Variants in MIPOL1 observed in about 807,000 individuals in gnomAD.
The protein encoded by MIPOL1 is mirror-image polydactyly 1.
In MIPOL1, 57 loss-of-function variants were observed where a neutral mutation model predicts 60.9. The observed-to-expected ratio is 0.94, with a 90% CI of 0.76 to 1.17. The LOEUF (loss-of-function observed/expected upper bound fraction) is 1.17, where lower values mean the gene tolerates loss of function less well. Ranked by LOEUF, MIPOL1 falls within the 50% of genes most tolerant of loss-of-function variation. The pLI, the probability that MIPOL1 is intolerant of heterozygous loss-of-function variation, is 0.00. For missense variants in MIPOL1, 551 were observed against 511.6 expected (o/e 1.08, Z -0.74); for synonymous variants, 179 against 168.8 (o/e 1.06, Z -0.47).
intron 12 of MIPOL1, chr14:37,546,183 A>G (rs943065607): frequency 1.3e-5 from 2 of 152,296 alleles, no homozygotes; most frequent in African/African-American, 4.8e-5. Flanking sequence ...TCTCTTTTCA[A>G]TTTAATTGAC....
At chr14:37,511,853 T>C (rs1230525394) in intron 12 of MIPOL1, among the ~76,000 whole-genome samples, 1 of 152,142 alleles carries the variant, frequency 6.6e-6, no homozygotes, top group African/African-American at 2.4e-5. Context: ...CCTCATAAAC[T>C]ATATGAAGAG....
chr14:37,429,948 C>T (rs2040318830), intron 11 of MIPOL1, among the ~76,000 whole-genome samples: 3 of 152,038 alleles, frequency 2.0e-5, no homozygotes, highest in African/African-American at 7.2e-5. Flanking sequence ...CAAACTATAG[C>T]CATGAAGCAA....
chr14:37,426,570 C>T (rs10083450), intron 11 of MIPOL1, among the ~76,000 whole-genome samples: 13 of 85,538 alleles, frequency 1.5e-4, no homozygotes, highest in South Asian at 7.3e-4. Flanking sequence ...TCAAAATATA[C>T]ATATATATAT....
chr14:37,276,926 T>G (rs1204868582), intron 6 of MIPOL1: 4 of 151,232 alleles, frequency 2.6e-5, no homozygotes, highest in Non-Finnish European at 5.9e-5. Context: ...GGCTACAGAA[T>G]TCTATGGATA....
intron 7 of MIPOL1, among the ~76,000 whole-genome samples, chr14:37,293,483 C>T (rs946995450): frequency 7.9e-5 from 12 of 152,152 alleles, no homozygotes; most frequent in African/African-American, 2.9e-4. Context: ...GTGCAGTGCA[C>T]TGTGCATGAG....
chr14:37,209,232 C>T (rs997612158), intron 1 of MIPOL1, among the ~76,000 whole-genome samples: 1 of 152,128 alleles, frequency 6.6e-6, no homozygotes, highest in African/African-American at 2.4e-5. Context: ...TTAATCTGTG[C>T]ATAGATTTGG....
chr14:37,445,252 A>G (rs2153569743), intron 11 of MIPOL1, among the ~76,000 whole-genome samples: 1 of 152,268 alleles, frequency 6.6e-6, no homozygotes, highest in South Asian at 2.1e-4. Context: ...ATCAATGTAC[A>G]AAAATCACAA....
intron 12 of MIPOL1, among the ~76,000 whole-genome samples, chr14:37,517,327 G>T (rs539232521): frequency 6.6e-6 from 1 of 152,126 alleles, no homozygotes; most frequent in Non-Finnish European, 1.5e-5. Context: ...CAGAAAGGGA[G>T]AAAAATTATA....
At chr14:37,494,814 C>A (rs1333758133) in intron 11 of MIPOL1, among the ~76,000 whole-genome samples, 1 of 152,152 alleles carries the variant, frequency 6.6e-6, no homozygotes, top group Non-Finnish European at 1.5e-5. Flanking sequence ...TTTTAAGTGA[C>A]ATTGTCTACT....
intron 12 of MIPOL1, chr14:37,506,787 A>T (rs2095280695): frequency 6.6e-6 from 1 of 152,342 alleles, no homozygotes; most frequent in South Asian, 2.1e-4. Flanking sequence ...CAGCAAAAGA[A>T]ACTATCATCA....
chr14:37,490,724 A>G (rs1285381812), intron 11 of MIPOL1, among the ~76,000 whole-genome samples: 2 of 151,924 alleles, frequency 1.3e-5, no homozygotes, highest in African/African-American at 2.4e-5. Context: ...ACCCCTTAAC[A>G]CTTCCCAGAT....
intron 9 of MIPOL1, among the ~76,000 whole-genome samples, chr14:37,320,075 G>T (rs2153446065): frequency 6.6e-6 from 1 of 152,190 alleles, no homozygotes; most frequent in Non-Finnish European, 1.5e-5. Flanking sequence ...CAGAAATTTA[G>T]ATTGTTTTCA....
intron 11 of MIPOL1, 59 bp from the exon 12 acceptor site, chr14:37,499,849 G>C (rs1358310678): frequency 3.6e-6 from 3 of 839,232 alleles, no homozygotes; most frequent in Non-Finnish European, 5.4e-6. Context: ...TTGTTAAATA[G>C]ATCATAGATC....
rs543706210 is a variant in MIPOL1, at chr14:37,280,589, A to G, written c.494-4729A>G. Among the ~76,000 whole-genome samples, 146 of 152,292 alleles carry G rather than the reference A, an allele frequency of 9.6e-4. 3 individuals carry two copies. The highest frequency in any genetic ancestry group is 3.5e-3 in the African/African-American group (145 of 41,572). ...ATTAGAGATGTTAAGCTTTCTTTATATAACTGTTAACCATTTGTGTGTCTT... is the reference window on the plus strand; with the variant it reads ...ATTAGAGATGTTAAGCTTTCTTTATGTAACTGTTAACCATTTGTGTGTCTT... On this transcript the variant is annotated intron_variant, in intron 6 of 12. Transcript: ENST00000684589.
In MIPOL1 at chr14:37,547,052, C is replaced by G. The variant is rs2095550325; in HGVS notation, c.*81C>G. 57 of 1,208,436 alleles carry G rather than the reference C, an allele frequency of 4.7e-5. No homozygotes were observed. In the South Asian group the frequency reaches 7.0e-4, roughly 15 times the overall value. The allele number at this position is 1,208,436 out of a possible 1,614,324, so 74.9% of individuals were successfully genotyped here. A position where few individuals can be genotyped will look rare whatever the true frequency, so the allele number is the denominator to read the frequency against. On this transcript the variant is annotated 3_prime_UTR_variant, in exon 13 of 13. Transcript: ENST00000684589. ...ATTCAACACTGTGTAAACACCAAAGCCTTAACTTAGCAAACAGTTGTTAGA... is the reference window on the plus strand; with the variant it reads ...ATTCAACACTGTGTAAACACCAAAGGCTTAACTTAGCAAACAGTTGTTAGA...
At chr14:37,306,624 G>A (rs571670720) in intron 7 of MIPOL1, among the ~76,000 whole-genome samples, 36 of 151,716 alleles carry the variant, frequency 2.4e-4, no homozygotes, top group Admixed American at 2.1e-3. Context: ...CTTAGAAATC[G>A]TATTTAGCCA....
intron 1 of MIPOL1, among the ~76,000 whole-genome samples, chr14:37,220,394 A>G (rs1173699537): frequency 2.6e-5 from 4 of 152,212 alleles, no homozygotes; most frequent in Non-Finnish European, 4.4e-5. Context: ...GCATGTCTTG[A>G]AAGTAATTAG....
chr14:37,223,492 C>G (rs937240321), intron 1 of MIPOL1, among the ~76,000 whole-genome samples: 8 of 151,964 alleles, frequency 5.3e-5, no homozygotes, highest in African/African-American at 1.9e-4. Context: ...CAGGATCCTC[C>G]TGGGTTTTTT....
At chr14:37,455,719 C>CT (rs1446944079) in intron 11 of MIPOL1, among the ~76,000 whole-genome samples, 1 of 152,106 alleles carries the variant, frequency 6.6e-6, no homozygotes, top group African/African-American at 2.4e-5. Context: ...TCAAGTTGCA[C>CT]TTTGAGTTTC....
Sources: allele counts gnomAD v4.1 joint callset (sites outside exome capture counted in the v4.1 genomes callset), GRCh38; gene constraint gnomAD v4.1.1; transcripts MANE v1.5; gene names NCBI Gene and HGNC (gene_info 2026-07-23, HGNC 2026-07-21).